YWHAE: variants seen among roughly 807,000 people sequenced by gnomAD.
YWHAE encodes 14-3-3 protein epsilon.
YWHAE carries 4 observed loss-of-function variants against 30.1 expected under a neutral mutation model. The ratio of observed to expected loss-of-function variants is 0.13; its 90% CI spans 0.07 to 0.30. The LOEUF (loss-of-function observed/expected upper bound fraction) is 0.30. Ranked by LOEUF, YWHAE falls within the 10% of genes least tolerant of loss-of-function variation. The pLI is 1.00. For missense variants in YWHAE, 121 were observed against 315.9 expected, an observed-to-expected ratio of 0.38 and a Z score of 4.68; for synonymous variants, 118 against 111.8, an observed-to-expected ratio of 1.06 and a Z score of -0.35.
chr17:1,366,675 G>A (rs1020119829), intron 1 of YWHAE, among the ~76,000 whole-genome samples: 4 of 152,076 alleles, frequency 2.6e-5, no homozygotes, highest in Non-Finnish European at 5.9e-5. Context: ...GGGCACGGTG[G>A]ATCACACCTG....
intron 1 of YWHAE, among the ~76,000 whole-genome samples, chr17:1,370,383 G>T (rs562561871): frequency 5.9e-5 from 9 of 151,788 alleles, no homozygotes; most frequent in East Asian, 5.9e-4. Context: ...CGCCCGCCTT[G>T]GCCTCCCAAA....
chr17:1,367,053 T>G (rs1253250228), intron 1 of YWHAE, among the ~76,000 whole-genome samples: 1 of 152,100 alleles, frequency 6.6e-6, no homozygotes, highest in African/African-American at 2.4e-5. Context: ...ATAAAAAAAA[T>G]TAAGCCATAT....
chr17:1,361,605 C>T (rs2072865975), intron 3 of YWHAE: 1 of 423,160 alleles, frequency 2.4e-6, no homozygotes, highest in East Asian at 3.9e-5. Context: ...CAAGGAATGG[C>T]ATGACAGTTT....
intron 1 of YWHAE, among the ~76,000 whole-genome samples, chr17:1,386,323 C>T (rs558525346): frequency 2.0e-5 from 3 of 152,136 alleles, no homozygotes; most frequent in African/African-American, 4.8e-5. Context: ...TACCAGACAC[C>T]ATTGGTGCTA....
intron 5 of YWHAE, chr17:1,348,053 A>C (rs766604215): frequency 1.2e-4 from 111 of 946,314 alleles, no homozygotes; most frequent in Non-Finnish European, 1.4e-4. Context: ...ATATGAAAGC[A>C]ACATTACAAG....
intron 4 of YWHAE, 32 bp downstream of exon 4, chr17:1,361,060 G>C (rs753387343): frequency 6.3e-7 from 1 of 1,598,834 alleles, no homozygotes; most frequent in Non-Finnish European, 8.6e-7. Context: ...TAACTTTCAC[G>C]CTGAGCGCTG....
chr17:1,394,820 A>T (rs2073443770), intron 1 of YWHAE, among the ~76,000 whole-genome samples: 2 of 150,570 alleles, frequency 1.3e-5, no homozygotes, highest in South Asian at 4.2e-4. Flanking sequence ...TACAAAAATT[A>T]GCCAGGTGCG....
chr17:1,392,874 C>T (rs1328539657), intron 1 of YWHAE, among the ~76,000 whole-genome samples: 2 of 149,984 alleles, frequency 1.3e-5, no homozygotes, highest in African/African-American at 4.9e-5. Context: ...AGTTGTATGA[C>T]TACATCACTA....
chr17:1,357,845 T>G (rs1000300240), intron 4 of YWHAE, among the ~76,000 whole-genome samples: 2 of 150,772 alleles, frequency 1.3e-5, no homozygotes, highest in African/African-American at 4.9e-5. Context: ...GAGAATCGCT[T>G]GAAACCGGGA....
At chr17:1,362,859 TAGG>T (rs2072885032) in intron 2 of YWHAE, among the ~76,000 whole-genome samples, 1 of 152,150 alleles carries the variant, frequency 6.6e-6, no homozygotes, top group Non-Finnish European at 1.5e-5. Context: ...GAGACTGGTC[TAGG>T]AGAAGGAAGA....
intron 5 of YWHAE, among the ~76,000 whole-genome samples, chr17:1,353,784 C>T (rs1242020194): frequency 6.7e-6 from 1 of 150,108 alleles, no homozygotes; most frequent in Non-Finnish European, 1.5e-5. Context: ...AAAAGAGACC[C>T]AAGGGCCAAC....
intron 1 of YWHAE, among the ~76,000 whole-genome samples, chr17:1,373,653 G>C (rs2073078587): frequency 6.6e-6 from 1 of 151,272 alleles, no homozygotes; most frequent in South Asian, 2.1e-4. Flanking sequence ...GGGTGACAGA[G>C]TGAGACTTCA....
chr17:1,356,215 C>CACACACAA (rs1320076580), intron 4 of YWHAE, among the ~76,000 whole-genome samples: 1 of 135,552 alleles, frequency 7.4e-6, no homozygotes, highest in Non-Finnish European at 1.6e-5. Context: ...CACACACACA[C>CACACACAA]AAAATTAGCC....
chr17:1,362,365 C>T (rs552711857), intron 2 of YWHAE, among the ~76,000 whole-genome samples: 2 of 152,164 alleles, frequency 1.3e-5, no homozygotes, highest in Non-Finnish European at 2.9e-5. Context: ...GAATTACCTT[C>T]TTTCACAAGG....
At chr17:1,367,117 T>C (rs944927140) in intron 1 of YWHAE, among the ~76,000 whole-genome samples, 6 of 152,174 alleles carry the variant, frequency 3.9e-5, no homozygotes, top group Non-Finnish European at 7.3e-5. Context: ...ACATGTACCA[T>C]ATGACTCAGC....
intron 1 of YWHAE, among the ~76,000 whole-genome samples, chr17:1,374,636 G>C (rs1033922251): frequency 2.0e-5 from 3 of 152,138 alleles, no homozygotes; most frequent in African/African-American, 7.2e-5. Context: ...TGGGTGTGAA[G>C]CTGTATCTCT....
intron 1 of YWHAE, 198 bp downstream of exon 1, chr17:1,399,849 G>A (rs1247725051): frequency 4.9e-6 from 3 of 614,892 alleles, no homozygotes; most frequent in African/African-American, 1.9e-5. Context: ...TTGCAGTTAA[G>A]GACGGCGAAG....
At chr17:1,390,313 A>T (rs1466011431) in intron 1 of YWHAE, among the ~76,000 whole-genome samples, 1 of 152,218 alleles carries the variant, frequency 6.6e-6, no homozygotes, top group African/African-American at 2.4e-5. Context: ...TACTTTGGAT[A>T]TGCAAATTTA....
At chr17:1,391,433 G>A (rs2073388247) in intron 1 of YWHAE, among the ~76,000 whole-genome samples, 1 of 152,138 alleles carries the variant, frequency 6.6e-6, no homozygotes, top group Non-Finnish European at 1.5e-5. Flanking sequence ...TGACCACAAG[G>A]CAAGTTTGTT....
Sources: allele counts gnomAD v4.1 joint callset (sites outside exome capture counted in the v4.1 genomes callset), GRCh38; gene constraint gnomAD v4.1.1; transcripts MANE v1.5; gene names NCBI Gene and HGNC (gene_info 2026-07-23, HGNC 2026-07-21).